Variants in WDR74 observed in about 807,000 individuals in gnomAD.
WDR74 encodes the protein WD repeat-containing protein 74.
In WDR74, 31 loss-of-function variants were observed where a neutral mutation model predicts 45.6. That is an observed-to-expected ratio of 0.68 (90% CI 0.51 to 0.92). The LOEUF is 0.92. Among genes scored for constraint, WDR74 ranks in the 40% least tolerant of loss-of-function variants. The pLI is 0.00. For synonymous variants in WDR74, 191 were observed against 192.4 expected (o/e 0.99, Z 0.06); for missense variants, 455 against 497.2 (o/e 0.92, Z 0.81).
In WDR74 at chr11:62,836,029, T is replaced by A; in HGVS notation, c.301A>T (p.Ile101Phe). Residue 101 changes from isoleucine (I) to phenylalanine (F), a missense_variant, in exon 4 of 11, where the codon ATC becomes TTC. Coordinates refer to ENST00000278856, the MANE Select transcript of WDR74 (RefSeq NM_001369450.1). ...AGAATCCCAGAATCCACACATGTGA[T>A]GAGGGTGCTGCAGAGAAAGGATAGA... The part of the protein sequence containing the change: ...RGLAQADGTL[I>F]TCVDSGILRV... 1.9e-6 allele frequency: 3 copies of A among 1,589,256 alleles called. No homozygotes were observed. The highest frequency in any genetic ancestry group is 2.6e-6 in the Non-Finnish European group (3 of 1,167,510).
At chr11:62,841,566 TACCCTA>T (rs1312485933), upstream of WDR74, 1 of 152,158 alleles carries the variant, frequency 6.6e-6, no homozygotes, top group Non-Finnish European at 1.5e-5. Flanking sequence ...ATTTAGCTTG[TACCCTA>T]ACTGATCGAA....
intron 8 of WDR74, 160 bp downstream of exon 8, chr11:62,834,116 A>G (rs1215247670): frequency 1.4e-6 from 2 of 1,412,030 alleles, no homozygotes; most frequent in Non-Finnish European, 2.0e-6. Context: ...AGTTGAAATA[A>G]TTAGTTTAAG....
chr11:62,841,516 TAAAAAC>T (rs1224464206), upstream of WDR74: 5 of 152,054 alleles, frequency 3.3e-5, no homozygotes, highest in Non-Finnish European at 7.4e-5. Context: ...ACACTAGCGA[TAAAAAC>T]ACCTAATCCA....
At chr11:62,837,302 G>A (rs1252127653) in intron 3 of WDR74, among the ~76,000 whole-genome samples, 1 of 151,994 alleles carries the variant, frequency 6.6e-6, no homozygotes, top group African/African-American at 2.4e-5. Context: ...AGACTAGCCT[G>A]GCCAACATAG....
At chr11:62,837,944 A>G (rs2084983250) in intron 3 of WDR74, among the ~76,000 whole-genome samples, 1 of 151,918 alleles carries the variant, frequency 6.6e-6, no homozygotes, top group Non-Finnish European at 1.5e-5. Flanking sequence ...TCTATAAAAA[A>G]CTTAAAAATT....
Position 62,835,780 on chromosome 11 carries a change from T to A in WDR74, c.431A>T (p.His144Leu). 1 of 1,613,830 alleles carries A rather than the reference T, an allele frequency of 6.2e-7. No individual in the cohort carries two copies. The highest frequency in any genetic ancestry group is 1.1e-5 in the South Asian group (1 of 91,058). ...CTCTTTCCCACCTGTGGCAACCACA[T>A]GGGGGTGTGCTGGGTCTTGGCGCAT... Reference protein sequence around the residue: ...CRMRQDPAHPHVVATGGKENA... With the variant: ...CRMRQDPAHPLVVATGGKENA... The change falls in exon 5 of 11, where the codon CAT (histidine) becomes CTT (leucine). Residue 144 changes from histidine (H) to leucine (L), a missense_variant. His to Leu is a moderately conservative substitution (Grantham distance 99). Transcript: ENST00000278856.
At chr11:62,834,173 GC>G in intron 8 of WDR74, 102 bp downstream of exon 8, 1 of 1,543,346 alleles carries the variant, frequency 6.5e-7, no homozygotes, top group Non-Finnish European at 8.9e-7. Flanking sequence ...AGGCAATCTG[GC>G]ACCTGAATGA....
At chr11:62,841,685 C>A (rs541261751), upstream of WDR74, 1 of 151,984 alleles carries the variant, frequency 6.6e-6, no homozygotes, top group African/African-American at 2.4e-5. Flanking sequence ...GGAGCAAGCT[C>A]CTATTCCATC....
chr11:62,841,752 A>C (rs958979935), upstream of WDR74: 1 of 152,224 alleles, frequency 6.6e-6, no homozygotes, highest in Non-Finnish European at 1.5e-5. Context: ...CGTATCAGAT[A>C]TTAAACTGAT....
chr11:62,839,015 G>A (rs969005020), intron 3 of WDR74, 99 bp downstream of exon 3: 1 of 1,535,062 alleles, frequency 6.5e-7, no homozygotes, highest in African/African-American at 1.4e-5. Context: ...ATTCAAAGCC[G>A]TGTCACTAAG....
Position 62,839,147 on chromosome 11 carries a change from T to G in WDR74, c.260A>C (p.Glu87Ala), listed in dbSNP as rs1590990480. ...FQGQRHCPGG[E>A]GMFRGLAQAD... ...CTGGGCGAGGCCACGGAACATGCCC[T>G]CCCCGCCCGGGCAGTGTCTCTGACC... The change falls in exon 3 of 11, where the codon GAG (glutamate) becomes GCG (alanine). Residue 87 changes from glutamate to alanine, a missense_variant. Coordinates refer to ENST00000278856, the MANE Select transcript of WDR74 (RefSeq NM_001369450.1). 1.2e-6 allele frequency: 2 copies of G among 1,613,478 alleles called. No individual in the cohort carries two copies. The highest frequency in any genetic ancestry group is 2.7e-5 in the African/African-American group (2 of 74,926).
chr11:62,838,877 T>C (rs569968002), intron 3 of WDR74, among the ~76,000 whole-genome samples: 367 of 152,244 alleles, frequency 2.4e-3, no homozygotes, highest in Non-Finnish European at 4.5e-3. Context: ...GGATGAGAAC[T>C]TTTTGAAGGC....
upstream of WDR74, among the ~76,000 whole-genome samples, chr11:62,840,741 G>A (rs757850077): frequency 2.6e-4 from 40 of 152,290 alleles, no homozygotes; most frequent in African/African-American, 8.9e-4. Context: ...CACCAGGCCT[G>A]ATTCACTTTT....
chr11:62,835,335 G>A (rs2084941960), intron 6 of WDR74, 96 bp downstream of exon 6: 1 of 1,148,622 alleles, frequency 8.7e-7, no homozygotes, highest in South Asian at 1.4e-5. Context: ...TCTGAACTCA[G>A]AATGGTGAGA....
chr11:62,833,849 G>A lies in WDR74; in HGVS notation c.864C>T (p.Gly288=), dbSNP rs368997980. 1.6e-5 allele frequency: 26 copies of A among 1,613,874 alleles called. No individual in the cohort carries two copies. Among genetic ancestry groups the A allele is most frequent in the Non-Finnish European group, 2.1e-5 (25 of 1,179,904 alleles). The change falls in exon 9 of 11, where the codon GGC becomes GGT. Residue 288 remains glycine (G), a synonymous_variant. Transcript: ENST00000278856. ...HPSKPLLASC[G]LDRVLRIHRI... is the part of the protein sequence containing the mutation. ...TGTGTATCCTCAAGACTCTGTCCAA[G>A]CCACAGGAGGCTAGTAGAGGCTTTG...
At chr11:62,835,383 G>C in intron 6 of WDR74, 48 bp downstream of exon 6, 1 of 1,572,432 alleles carries the variant, frequency 6.4e-7, no homozygotes, top group East Asian at 2.2e-5. Context: ...CATTTCTCCA[G>C]GAGGCTGCTT....
chr11:62,833,495 A>T, intron 10 of WDR74, 123 bp downstream of exon 10: 1 of 1,187,568 alleles, frequency 8.4e-7, no homozygotes, highest in Non-Finnish European at 1.2e-6. Flanking sequence ...CAGAGAAATT[A>T]AGTGACCAGG....
At chr11:62,834,689 G>A in intron 6 of WDR74, 162 bp from the exon 7 acceptor site, 1 of 651,284 alleles carries the variant, frequency 1.5e-6, no homozygotes, top group Non-Finnish European at 2.6e-6. Context: ...GCATCAGGGT[G>A]TCAGGAGAGC....
Position 62,834,276 on chromosome 11 carries a change from C to G in WDR74, c.775G>C (p.Gly259Arg). 6.2e-7 allele frequency: 1 copy of G among 1,613,974 alleles called. No individual in the cohort carries two copies. Among genetic ancestry groups the G allele is most frequent in the South Asian group, 1.1e-5 (1 of 91,086 alleles). ...GQLAEIDLRQ[G>R]RLLGCLKGLA... ...CCCCAATGTACCCTAGTCCACTCAC[C>G]TTGCCGAAGGTCAATTTCTGCCAGC... Residue 259 changes from glycine to arginine, a missense_variant and splice_region_variant, in exon 8 of 11, where the codon GGG becomes CGG. Physicochemically the swap from Gly to Arg is moderately radical, Grantham distance 125 (BLOSUM62 -2). Transcript: ENST00000278856.
Sources: gnomAD v4.1 joint callset for allele counts (sites outside exome capture counted in the v4.1 genomes callset) on GRCh38, gnomAD v4.1.1 for gene constraint, MANE v1.5 for transcripts, NCBI Gene and HGNC (gene_info 2026-07-23, HGNC 2026-07-21) for gene names.